Variants in WDHD1 observed in about 807,000 individuals in gnomAD.
WDHD1 encodes the protein WD repeat and HMG-box DNA-binding protein 1.
A neutral mutation model predicts 135.4 loss-of-function variants in WDHD1; 111 were observed. The observed-to-expected ratio is 0.82, with a 90% CI of 0.70 to 0.96. The LOEUF (loss-of-function observed/expected upper bound fraction) is 0.96. Ranked by LOEUF, WDHD1 falls within the 40% of genes least tolerant of loss-of-function variation. The pLI is 0.00. For synonymous variants in WDHD1, 434 were observed against 439.0 expected (o/e 0.99, Z 0.14); for missense variants, 1,351 against 1,336.3 (o/e 1.01, Z -0.17).
In WDHD1 at chr14:54,987,169, T is replaced by C. The variant is rs760347733; in HGVS notation, c.1745A>G (p.Gln582Arg). ...PVVSMAGHGE[Q>R]LFIVYHRGTG... is the part of the protein sequence containing the mutation. ...ACCTCTGTGATAAACAATGAAAAGC[T>C]GTTCTCCATGTCCTGCCATTGACAC... Residue 582 changes from glutamine (Q) to arginine (R), a missense_variant, in exon 14 of 26, where the codon CAG becomes CGG. By Grantham distance (43) the Gln-to-Arg change is conservative. Transcript: ENST00000360586. The C allele has an allele frequency of 9.3e-6, 15 of 1,614,144 alleles. No individual in the cohort carries two copies. The highest frequency in any genetic ancestry group is 1.3e-5 in the Non-Finnish European group (15 of 1,180,016).
At chr14:54,948,745 A>G (rs1370106966) in intron 24 of WDHD1, among the ~76,000 whole-genome samples, 1 of 152,162 alleles carries the variant, frequency 6.6e-6, no homozygotes, top group Non-Finnish European at 1.5e-5. Context: ...CCTAACTGGG[A>G]GGCACCCCCC....
intron 13 of WDHD1, among the ~76,000 whole-genome samples, chr14:54,988,694 G>T (rs1326621348): frequency 4.7e-5 from 7 of 149,224 alleles, no homozygotes; most frequent in Non-Finnish European, 7.4e-5. Flanking sequence ...CTGTATACTG[G>T]TTTTTTTTCT....
chr14:55,007,469 T>C, intron 6 of WDHD1, 94 bp from the exon 7 acceptor site: 2 of 913,102 alleles, frequency 2.2e-6, no homozygotes, highest in South Asian at 3.6e-5. Context: ...TTCAAATCAA[T>C]ATATATCTCA....
chr14:54,942,594 T>C (rs2140143329), intron 25 of WDHD1, among the ~76,000 whole-genome samples: 1 of 152,304 alleles, frequency 6.6e-6, no homozygotes, highest in South Asian at 2.1e-4. Flanking sequence ...CTATTCTCCA[T>C]CTTGATCATG....
chr14:55,005,857 G>T (rs1257243637), intron 7 of WDHD1, among the ~76,000 whole-genome samples: 2 of 151,462 alleles, frequency 1.3e-5, no homozygotes, highest in Non-Finnish European at 2.9e-5. Flanking sequence ...TTTCCTTAGA[G>T]CCTTCAGATG....
intron 2 of WDHD1, among the ~76,000 whole-genome samples, chr14:55,016,650 G>C (rs954879921): frequency 2.1e-4 from 32 of 152,196 alleles, no homozygotes; most frequent in Admixed American, 5.2e-4. Flanking sequence ...TCTATACCTG[G>C]TACTGAGCAA....
intron 16 of WDHD1, 98 bp downstream of exon 16, chr14:54,981,442 A>C: frequency 8.4e-7 from 1 of 1,188,440 alleles, no homozygotes; most frequent in Non-Finnish European, 1.2e-6. Context: ...AAGTAATTGG[A>C]CTAAGATAAA....
At chr14:54,980,970 G>A (rs2041609420) in intron 16 of WDHD1, among the ~76,000 whole-genome samples, 1 of 151,638 alleles carries the variant, frequency 6.6e-6, no homozygotes, top group African/African-American at 2.4e-5. Flanking sequence ...AATCAGCCAG[G>A]CGTGATGGTG....
At position 54,987,192 on chromosome 14, in the gene WDHD1, C is replaced by G. The variant is rs754962572; in HGVS notation, c.1722G>C (p.Val574=). The G allele has an allele frequency of 2.5e-6, 4 of 1,614,162 alleles. No homozygotes were observed. In the South Asian group the frequency reaches 4.4e-5, roughly 18 times the overall value. ...KEVFSLAGPV[V]SMAGHGEQLF... is the part of the protein sequence containing the mutation. Reference sequence around the variant, plus strand: ...GCTGTTCTCCATGTCCTGCCATTGACACCACAGGTCCAGCAAGGCTGAATA... The same window carrying G: ...GCTGTTCTCCATGTCCTGCCATTGAGACCACAGGTCCAGCAAGGCTGAATA... Residue 574 remains valine, a synonymous_variant, in exon 14 of 26, where the codon GTG becomes GTC. Transcript: ENST00000360586.
At position 55,007,596 on chromosome 14, in the gene WDHD1, A is replaced by G. The variant is rs537235625; in HGVS notation, c.505-221T>C. Among the ~76,000 whole-genome samples the G allele has an allele frequency of 1.3e-4, 20 of 152,352 alleles. No homozygotes were observed. In the South Asian group the frequency reaches 4.1e-3, roughly 32 times the overall value. ...TAAATAACTAGAGTATTTTCTGTGC[A>G]GAATAAACAAATGATATACTCATTG... On this transcript the variant is annotated intron_variant, in intron 6 of 25. Coordinates refer to ENST00000360586, the MANE Select transcript of WDHD1 (RefSeq NM_007086.4).
intron 16 of WDHD1, among the ~76,000 whole-genome samples, chr14:54,969,683 C>G (rs1338819376): frequency 1.3e-5 from 2 of 152,100 alleles, no homozygotes; most frequent in Non-Finnish European, 2.9e-5. Flanking sequence ...AATACCAACT[C>G]CTCTCCAAAT....
At chr14:54,973,472 T>C (rs1190024797) in intron 16 of WDHD1, among the ~76,000 whole-genome samples, 2 of 152,200 alleles carry the variant, frequency 1.3e-5, no homozygotes, top group Non-Finnish European at 2.9e-5. Flanking sequence ...CTAATTTTTT[T>C]GAACATACAA....
chr14:54,949,371 C>T (rs370851666), intron 24 of WDHD1, among the ~76,000 whole-genome samples: 2 of 152,072 alleles, frequency 1.3e-5, no homozygotes, highest in Admixed American at 6.5e-5. Flanking sequence ...GCCTCAGTAG[C>T]CAATTCAATC....
At chr14:54,994,883 GA>G in intron 11 of WDHD1, among the ~76,000 whole-genome samples, 1 of 152,196 alleles carries the variant, frequency 6.6e-6, no homozygotes, top group Middle Eastern at 3.4e-3. Flanking sequence ...CAAATCTACA[GA>G]TCTATAGTGA....
intron 2 of WDHD1, among the ~76,000 whole-genome samples, chr14:55,017,787 T>C (rs894079830): frequency 1.3e-5 from 2 of 152,128 alleles, no homozygotes; most frequent in African/African-American, 4.8e-5. Flanking sequence ...AATTTTCAGA[T>C]TTTATTTATA....
At chr14:55,009,614 T>C (rs1335033371) in intron 4 of WDHD1, among the ~76,000 whole-genome samples, 2 of 152,022 alleles carry the variant, frequency 1.3e-5, no homozygotes, top group Admixed American at 1.3e-4. Flanking sequence ...GTATTTTTAA[T>C]AGAGACGAGG....
rs373132123 is a variant in WDHD1, at chr14:54,962,505, A to G, written c.2694T>C (p.Ala898=). ...TTTATAAATATTTCTCACCTGACTTAGCTGAAACATCAGAGGAATTTGTAC... is the reference window on the plus strand; with the variant it reads ...TTTATAAATATTTCTCACCTGACTTGGCTGAAACATCAGAGGAATTTGTAC... The part of the protein sequence containing the change: ...SKSTNSSDVS[A]KSGAVTFSSQ... The change falls in exon 21 of 26, where the codon GCT becomes GCC. Residue 898 remains alanine, a synonymous_variant. Transcript: ENST00000360586. 15 of 1,608,912 alleles carry G rather than the reference A, an allele frequency of 9.3e-6. No homozygotes were observed. The highest frequency in any genetic ancestry group is 3.3e-4 in the Middle Eastern group (2 of 6,066).
At chr14:54,975,683 T>A (rs1244977820) in intron 16 of WDHD1, among the ~76,000 whole-genome samples, 1 of 151,962 alleles carries the variant, frequency 6.6e-6, no homozygotes, top group Non-Finnish European at 1.5e-5. Flanking sequence ...AGGAAAATTT[T>A]ATATTGACTT....
chr14:54,971,839 A>G (rs2041439057), intron 16 of WDHD1, among the ~76,000 whole-genome samples: 1 of 152,138 alleles, frequency 6.6e-6, no homozygotes, highest in African/African-American at 2.4e-5. Context: ...GCAGCAAAAA[A>G]CAAATATCCC....
Sources: allele counts gnomAD v4.1 joint callset (sites outside exome capture counted in the v4.1 genomes callset), GRCh38; gene constraint gnomAD v4.1.1; transcripts MANE v1.5; gene names NCBI Gene and HGNC (gene_info 2026-07-23, HGNC 2026-07-21).